Variants in PTPRT observed in about 807,000 individuals in gnomAD.
PTPRT encodes protein tyrosine phosphatase receptor type T, also known as receptor-type tyrosine-protein phosphatase T.
A neutral mutation model predicts 176.8 loss-of-function variants in PTPRT; 56 were observed. That is an observed-to-expected ratio of 0.32 (90% CI 0.26 to 0.40). The LOEUF is 0.40. PTPRT is among the 10% of genes least tolerant of loss of function. The pLI, the probability that PTPRT is intolerant of heterozygous loss-of-function variation, is 1.00. For missense variants in PTPRT, 1,540 were observed against 1,908.2 expected (o/e 0.81, Z 3.60); for synonymous variants, 783 against 739.0 (o/e 1.06, Z -0.96).
intron 7 of PTPRT, among the ~76,000 whole-genome samples, chr20:42,657,924 CT>C (rs3092107): frequency 0.41 from 58,621 of 141,396 alleles, 11,780 homozygotes; most frequent in Admixed American, 0.46. Flanking sequence ...TGAGGTTTAC[CT>C]TTTTTTTTTT....
intron 17 of PTPRT, among the ~76,000 whole-genome samples, chr20:42,142,898 C>A (rs1363094155): frequency 6.6e-6 from 1 of 152,110 alleles, no homozygotes; most frequent in East Asian, 1.9e-4. Flanking sequence ...CTTCATGATA[C>A]TGTAATTCCT....
intron 9 of PTPRT, among the ~76,000 whole-genome samples, chr20:42,418,033 C>G (rs2059082623): frequency 6.6e-6 from 1 of 152,140 alleles, no homozygotes; most frequent in African/African-American, 2.4e-5. Context: ...TGACATTCAA[C>G]AGGTATTTGT....
intron 11 of PTPRT, among the ~76,000 whole-genome samples, chr20:42,335,423 A>G (rs1277151957): frequency 6.8e-6 from 1 of 146,072 alleles, no homozygotes; most frequent in African/African-American, 2.6e-5. Flanking sequence ...CCAACATGAA[A>G]GAGAGCAGTG....
chr20:42,671,215 C>G (rs2075407140), intron 7 of PTPRT, among the ~76,000 whole-genome samples: 1 of 152,112 alleles, frequency 6.6e-6, no homozygotes, highest in Non-Finnish European at 1.5e-5. Context: ...CCTACTGCCC[C>G]CACTCTTTTA....
intron 9 of PTPRT, among the ~76,000 whole-genome samples, chr20:42,363,145 A>T (rs1449298603): frequency 1.4e-5 from 2 of 144,806 alleles, no homozygotes; most frequent in East Asian, 2.0e-4. Context: ...TATTTTTTTT[A>T]AAAAAAAGAA....
intron 9 of PTPRT, among the ~76,000 whole-genome samples, chr20:42,362,838 G>T (rs1027045744): frequency 1.3e-5 from 2 of 151,944 alleles, no homozygotes; most frequent in Non-Finnish European, 2.9e-5. Context: ...AGGCGCGGTG[G>T]CTCACGCCTG....
intron 29 of PTPRT, among the ~76,000 whole-genome samples, chr20:42,083,672 A>G (rs1983585855): frequency 6.6e-6 from 1 of 152,236 alleles, no homozygotes; most frequent in African/African-American, 2.4e-5. Context: ...GAGGTCAGTC[A>G]GATGTTATCA....
chr20:42,878,562 A>G (rs1253281976), intron 2 of PTPRT, among the ~76,000 whole-genome samples: 1 of 152,160 alleles, frequency 6.6e-6, no homozygotes, highest in Non-Finnish European at 1.5e-5. Flanking sequence ...CATAAAACTC[A>G]CATGACCTTG....
Position 43,101,323 on chromosome 20 carries a change from G to A in PTPRT, c.88+88323C>T, listed in dbSNP as rs114978160. ...AATAGCAAGCTCTTGATCACTTTTA[G>A]CTCACACGCTGGGAATCAGCATAGT... On this transcript the variant is annotated intron_variant, in intron 1 of 30. Transcript: ENST00000373187. 1.4e-3 allele frequency among the ~76,000 whole-genome samples: 213 copies of A among 152,186 alleles called. 5 individuals carry two copies. Among genetic ancestry groups the A allele is most frequent in the African/African-American group, 4.9e-3 (204 of 41,456 alleles).
intron 1 of PTPRT, among the ~76,000 whole-genome samples, chr20:43,061,618 C>T (rs905838407): frequency 3.9e-5 from 6 of 152,200 alleles, no homozygotes; most frequent in Non-Finnish European, 5.9e-5. Flanking sequence ...TAGTAATTGC[C>T]AATATCTACT....
In PTPRT at chr20:42,633,934, TAATATA is replaced by T. The variant is rs1474375112; in HGVS notation, c.1153+43926_1153+43931del. Among the ~76,000 whole-genome samples the T allele has an allele frequency of 2.1e-3, 70 of 33,034 alleles. 1 individual carries two copies. The highest frequency in any genetic ancestry group is 0.018 in the South Asian group (23 of 1,296). 21.7% of individuals were successfully genotyped at this position (33,034 alleles called of 152,430 possible). ...TATAATTATATATAATATATTATAA[TAATATA>T]ATATAATATATAATTATATATAATA... On this transcript the variant is annotated intron_variant, in intron 7 of 30. Coordinates refer to ENST00000373187, the MANE Select transcript of PTPRT (RefSeq NM_007050.6).
intron 7 of PTPRT, among the ~76,000 whole-genome samples, chr20:42,554,903 C>T (rs1383929403): frequency 6.6e-6 from 1 of 152,180 alleles, no homozygotes; most frequent in Non-Finnish European, 1.5e-5. Flanking sequence ...CAAACCTCCT[C>T]ACTCCCTACC....
chr20:42,042,361 C>T, the PTPRT span, among the ~76,000 whole-genome samples: 28 of 152,190 alleles, frequency 1.8e-4, no homozygotes, highest in Non-Finnish European at 2.6e-4. Context: ...ATAAATTAAA[C>T]ACTTCTTTAG....
intron 23 of PTPRT, among the ~76,000 whole-genome samples, chr20:42,108,145 A>G (rs1368483868): frequency 6.6e-6 from 1 of 152,088 alleles, no homozygotes; most frequent in Non-Finnish European, 1.5e-5. Context: ...CTATCAATCA[A>G]TCAGCGGTGA....
chr20:42,365,483 C>T (rs1005013683), intron 9 of PTPRT, among the ~76,000 whole-genome samples: 5 of 152,074 alleles, frequency 3.3e-5, no homozygotes, highest in African/African-American at 1.2e-4. Flanking sequence ...ACCCTACCCC[C>T]ACCACTACCA....
At position 42,271,585 on chromosome 20, in the gene PTPRT, A is replaced by C. The variant is rs141755975; in HGVS notation, c.2176+10904T>G. Among the ~76,000 whole-genome samples, 1,410 of 152,368 alleles carry C rather than the reference A, an allele frequency of 9.3e-3. 12 individuals are homozygous for C. The highest frequency in any genetic ancestry group is 0.022 in the Admixed American group (330 of 15,306). ...TGTGCCTGACACATAGTAGGTACTC[A>C]GTGAATATTTGTTGAATAAATGAAG... is the stretch of plus-strand genomic sequence containing the variant. On this transcript the variant is annotated intron_variant, in intron 13 of 30. Transcript: ENST00000373187.
At chr20:42,970,499 G>A (rs1982564634) in intron 1 of PTPRT, among the ~76,000 whole-genome samples, 1 of 152,134 alleles carries the variant, frequency 6.6e-6, no homozygotes, top group African/African-American at 2.4e-5. Flanking sequence ...TAATAGTTAT[G>A]CGACCTTGAC....
chr20:42,187,805 A>G (rs538003959), intron 16 of PTPRT, among the ~76,000 whole-genome samples: 1 of 152,182 alleles, frequency 6.6e-6, no homozygotes, highest in African/African-American at 2.4e-5. Context: ...AGCCCCATTT[A>G]TAGCCCACTG....
At chr20:42,326,947 G>C (rs552988834) in intron 11 of PTPRT, among the ~76,000 whole-genome samples, 33 of 138,886 alleles carry the variant, frequency 2.4e-4, no homozygotes, top group African/African-American at 8.6e-4. Flanking sequence ...ATATGGTTAA[G>C]AACTTAAAAA....
Sources: allele counts gnomAD v4.1 joint callset (sites outside exome capture counted in the v4.1 genomes callset), GRCh38; gene constraint gnomAD v4.1.1; transcripts MANE v1.5; gene names NCBI Gene and HGNC (gene_info 2026-07-23, HGNC 2026-07-21).